The following CASK variants were observed in gnomAD, a reference collection of about 807,000 sequenced individuals.
CASK encodes the protein peripheral plasma membrane protein CASK.
CASK carries 4 observed loss-of-function variants against 82.9 expected under a neutral mutation model. That is an observed-to-expected ratio of 0.05 (90% confidence interval 0.02 to 0.11). CASK has a LOEUF of 0.11. Among genes scored for constraint, CASK ranks in the 10% least tolerant of loss-of-function variants. CASK has a pLI of 1.00. For synonymous variants in CASK, 259 were observed against 253.5 expected (o/e 1.02, Z -0.20); for missense variants, 358 against 720.9 (o/e 0.50, Z 5.76).
Position 41,516,184 on chromosome X carries a change from G to A in CASK, c.*4236C>T, listed in dbSNP as rs780471475. 2 of 112,510 alleles carry A rather than the reference G, an allele frequency of 1.8e-5. No homozygotes were observed. Among genetic ancestry groups the A allele is most frequent in the Non-Finnish European group, 3.8e-5 (2 of 53,321 alleles). 9.3% of individuals were successfully genotyped at this position (112,510 alleles called of 1,213,427 possible). ...GCAAGGCAGGGGAAAGACCGGATGG[G>A]AACATGGTGGTGAATATCCTCTTTT... On this transcript the variant is annotated 3_prime_UTR_variant, in exon 27 of 27. Coordinates refer to ENST00000378163, the MANE Select transcript of CASK (RefSeq NM_001367721.1).
chrX:41,650,170 G>A (rs2066840953), intron 8 of CASK, among the ~76,000 whole-genome samples: 1 of 111,356 alleles, frequency 9.0e-6, no homozygotes, highest in Admixed American at 9.6e-5. Flanking sequence ...TGTGTCTCCT[G>A]AATACAGCAC....
chrX:41,614,962 C>T (rs902246726), intron 11 of CASK, among the ~76,000 whole-genome samples: 1 of 110,546 alleles, frequency 9.0e-6, no homozygotes, highest in African/African-American at 3.3e-5. Flanking sequence ...GGGACCACTA[C>T]ACCCATCTAA....
intron 21 of CASK, among the ~76,000 whole-genome samples, chrX:41,546,024 T>A (rs1261786730): frequency 1.8e-5 from 2 of 109,138 alleles, no homozygotes; most frequent in Non-Finnish European, 3.8e-5. Context: ...CAGGCTGGAG[T>A]GTAATGGTGC....
intron 8 of CASK, among the ~76,000 whole-genome samples, chrX:41,656,364 A>G (rs1025340187): frequency 2.7e-5 from 3 of 111,957 alleles, no homozygotes; most frequent in African/African-American, 9.7e-5. Flanking sequence ...TGACAGGAGT[A>G]GACACTGATT....
At chrX:41,808,600 G>GATGGCTGA (rs2070186999) in intron 2 of CASK, among the ~76,000 whole-genome samples, 1 of 112,257 alleles carries the variant, frequency 8.9e-6, no homozygotes, top group Admixed American at 9.4e-5. Context: ...GCAGTTCCAA[G>GATGGCTGA]ATGGCTGAAT....
At chrX:41,602,317 AT>A (rs775207602) in intron 12 of CASK, among the ~76,000 whole-genome samples, 15 of 110,696 alleles carry the variant, frequency 1.4e-4, no homozygotes, top group South Asian at 7.5e-4. Context: ...CAAATCCTAC[AT>A]TTTTTTTGTT....
chrX:41,602,799 G>A (rs2065912071), intron 12 of CASK, among the ~76,000 whole-genome samples: 1 of 104,284 alleles, frequency 9.6e-6, no homozygotes, highest in South Asian at 4.4e-4. Flanking sequence ...GAATATTCAC[G>A]ACATATGGTA....
rs376534997 is a variant in CASK at position 41,832,481 on chromosome X, TATC to T, written c.172+20631_172+20633del. 3.9e-4 allele frequency among the ~76,000 whole-genome samples: 44 copies of T among 112,726 alleles called. 1 individual carries two copies. The highest frequency in any genetic ancestry group is 1.4e-3 in the African/African-American group (44 of 31,091). On this transcript the variant is annotated intron_variant, in intron 2 of 26. Transcript: ENST00000378163. The stretch of plus-strand genomic sequence containing the variant: ...ACCTTGTTCACAAAACAAGCAATGT[TATC>T]ATATGACCTAGCAATTCTATTCCTG...
At chrX:41,839,692 G>A (rs970745901) in intron 2 of CASK, among the ~76,000 whole-genome samples, 1 of 111,394 alleles carries the variant, frequency 9.0e-6, no homozygotes, top group Non-Finnish European at 1.9e-5. Context: ...GAAGAATGGT[G>A]AAAGTGATCA....
chrX:41,724,766 A>G (rs937879948), intron 5 of CASK, among the ~76,000 whole-genome samples: 1 of 111,874 alleles, frequency 8.9e-6, no homozygotes, highest in Admixed American at 9.5e-5. Flanking sequence ...TGATAAAGCT[A>G]GCCTCTGCAG....
chrX:41,558,677 T>C (rs2147148563), intron 18 of CASK: 1 of 111,549 alleles, frequency 9.0e-6, no homozygotes, highest in South Asian at 3.8e-4. Flanking sequence ...TACTATTAAT[T>C]GAAGTTCCAT....
At chrX:41,841,559 A>G (rs1473417756) in intron 2 of CASK, among the ~76,000 whole-genome samples, 1 of 96,233 alleles carries the variant, frequency 1.0e-5, no homozygotes, top group South Asian at 4.9e-4. Context: ...TCTGTCACCC[A>G]GGCTGGACTG....
chrX:41,546,953 CAG>C (rs1338007404), intron 21 of CASK, among the ~76,000 whole-genome samples: 1 of 110,742 alleles, frequency 9.0e-6, no homozygotes, highest in Non-Finnish European at 1.9e-5. Flanking sequence ...ATTTTTGAGA[CAG>C]AGTCTCACTC....
chrX:41,908,372 T>TCAAACAAA (rs755567303), intron 1 of CASK, among the ~76,000 whole-genome samples: 1 of 111,848 alleles, frequency 8.9e-6, no homozygotes, highest in African/African-American at 3.3e-5. Context: ...CAAGACTCTG[T>TCAAACAAA]CAAACAAACA....
chrX:41,613,702 G>C (rs764275583), intron 11 of CASK, among the ~76,000 whole-genome samples: 12 of 105,268 alleles, frequency 1.1e-4, no homozygotes, highest in Admixed American at 6.1e-4. Flanking sequence ...TCCCAGTTAC[G>C]ATAAAAAACC....
intron 1 of CASK, among the ~76,000 whole-genome samples, chrX:41,893,276 G>A (rs927773107): frequency 1.8e-5 from 2 of 111,810 alleles, no homozygotes; most frequent in Non-Finnish European, 3.8e-5. Flanking sequence ...TTCCACTGAA[G>A]GAAGCTGACT....
chrX:41,796,142 C>A (rs1265006477), intron 2 of CASK, among the ~76,000 whole-genome samples: 1 of 112,082 alleles, frequency 8.9e-6, no homozygotes, highest in Non-Finnish European at 1.9e-5. Flanking sequence ...TGCTGGCAGG[C>A]AGTTATGATA....
chrX:41,571,431 T>C (rs1449275443), intron 15 of CASK, among the ~76,000 whole-genome samples: 1 of 111,721 alleles, frequency 9.0e-6, no homozygotes, highest in East Asian at 2.8e-4. Flanking sequence ...ATCTAAGTTG[T>C]TGAATTTATT....
intron 1 of CASK, among the ~76,000 whole-genome samples, chrX:41,883,732 A>G (rs2071993553): frequency 9.0e-6 from 1 of 111,638 alleles, no homozygotes; most frequent in Non-Finnish European, 1.9e-5. Context: ...CTCAACAGTA[A>G]TATGTTAGCT....
Sources: allele counts gnomAD v4.1 joint callset (sites outside exome capture counted in the v4.1 genomes callset), GRCh38; gene constraint gnomAD v4.1.1; transcripts MANE v1.5; gene names NCBI Gene and HGNC (gene_info 2026-07-23, HGNC 2026-07-21).